The following MACC1 variants were observed in gnomAD, a reference collection of about 807,000 sequenced individuals.
The protein encoded by MACC1 is metastasis-associated in colon cancer protein 1.
A neutral mutation model predicts 70.7 loss-of-function variants in MACC1; 79 were observed. That is an observed-to-expected ratio of 1.12 (90% CI 0.93 to 1.35). The LOEUF is 1.35. Among genes scored for constraint, MACC1 ranks in the 40% most tolerant of loss-of-function variants. The pLI is 0.00. For missense variants in MACC1, 1,106 were observed against 978.1 expected (o/e 1.13, Z -1.74); for synonymous variants, 361 against 347.2 (o/e 1.04, Z -0.44).
At chr7:20,185,113 C>T (rs990238707) in intron 1 of MACC1, 1 of 152,108 alleles carries the variant, frequency 6.6e-6, no homozygotes, top group African/African-American at 2.4e-5. Flanking sequence ...AATATCAGTT[C>T]TCTCTAAGAG....
In MACC1 at chr7:20,152,475, G is replaced by A. The variant is rs76457607; in HGVS notation, c.2346+1718C>T. Among the ~76,000 whole-genome samples, 314 of 152,200 alleles carry A rather than the reference G, an allele frequency of 2.1e-3. 1 individual carries two copies. Among genetic ancestry groups the A allele is most frequent in the African/African-American group, 7.3e-3 (302 of 41,516 alleles). On this transcript the variant is annotated intron_variant, in intron 6 of 6. Coordinates refer to ENST00000400331, the MANE Select transcript of MACC1 (RefSeq NM_182762.4). ...ATTTACCCATTAGTTAAGTGACCTCGTACGTAAGATTTCTGTATATTATTT... is the reference window on the plus strand; with the variant it reads ...ATTTACCCATTAGTTAAGTGACCTCATACGTAAGATTTCTGTATATTATTT...
rs1316565434 is a variant in MACC1 at position 20,136,089 on chromosome 7, T to G, written c.*4857A>C. 6.6e-6 allele frequency: 1 copy of G among 152,208 alleles called. No homozygotes were observed. Among genetic ancestry groups the G allele is most frequent in the African/African-American group, 2.4e-5 (1 of 41,454 alleles). 9.4% of individuals were successfully genotyped at this position (152,208 alleles called of 1,614,324 possible). A position where few individuals can be genotyped will look rare whatever the true frequency, so the allele number is the denominator to read the frequency against. ...TCTAGTCATTGAACATTTATAGACA[T>G]TTAAACCCAAGGGGAACACTAGAGG... On this transcript the variant is annotated 3_prime_UTR_variant, in exon 7 of 7. Coordinates refer to ENST00000400331, the MANE Select transcript of MACC1 (RefSeq NM_182762.4).
At chr7:20,176,549 G>C (rs146708270) in intron 1 of MACC1, among the ~76,000 whole-genome samples, 9 of 152,180 alleles carry the variant, frequency 5.9e-5, no homozygotes, top group African/African-American at 2.2e-4. Flanking sequence ...ACATAAACTT[G>C]CCATGTGCCC....
At chr7:20,148,647 A>C (rs1361206970) in intron 6 of MACC1, among the ~76,000 whole-genome samples, 2 of 152,188 alleles carry the variant, frequency 1.3e-5, no homozygotes, top group African/African-American at 4.8e-5. Flanking sequence ...GTGTTACCCC[A>C]GAAATTTCAC....
chr7:20,212,067 TA>T lies in MACC1; in HGVS notation c.-218+5231del, dbSNP rs976778477. Among the ~76,000 whole-genome samples the T allele has an allele frequency of 1.6e-4, 25 of 152,220 alleles. No homozygotes were observed. In the Middle Eastern group the frequency reaches 0.01, roughly 62 times the overall value. On this transcript the variant is annotated intron_variant, in intron 1 of 6. Transcript: ENST00000400331. Reference sequence around the variant, plus strand: ...TAAAAGCATTTAAAAAAGAAAAGAATAAAAACATACACTGCAGTGATATCGA... The same window carrying T: ...TAAAAGCATTTAAAAAAGAAAAGAATAAAACATACACTGCAGTGATATCGA...
chr7:20,193,375 G>A (rs901339618), intron 1 of MACC1, among the ~76,000 whole-genome samples: 1 of 152,226 alleles, frequency 6.6e-6, no homozygotes, highest in Admixed American at 6.5e-5. Context: ...AGCTAATCTT[G>A]AAAGTTTATA....
intron 1 of MACC1, chr7:20,185,088 T>C (rs957356726): frequency 2.6e-5 from 4 of 152,158 alleles, no homozygotes; most frequent in Non-Finnish European, 5.9e-5. Context: ...CCTGGTAAGA[T>C]TGTGAAGAAT....
chr7:20,186,163 T>C (rs1012396412), intron 1 of MACC1, among the ~76,000 whole-genome samples: 15 of 152,226 alleles, frequency 9.9e-5, no homozygotes, highest in Non-Finnish European at 2.9e-5. Context: ...AAGTTGTTTT[T>C]CTTCCTTACT....
intron 1 of MACC1, among the ~76,000 whole-genome samples, chr7:20,176,812 C>G (rs533553499): frequency 5.8e-4 from 88 of 152,220 alleles, no homozygotes; most frequent in African/African-American, 2.1e-3. Context: ...CTGTGTGAAA[C>G]AAGCCAGTCG....
chr7:20,201,860 C>T (rs984824466), intron 1 of MACC1, among the ~76,000 whole-genome samples: 12 of 152,174 alleles, frequency 7.9e-5, no homozygotes, highest in Non-Finnish European at 2.9e-5. Flanking sequence ...AAAATGTGAA[C>T]CTTAACCTCT....
At chr7:20,163,065 C>T (rs1396104963) in intron 3 of MACC1, among the ~76,000 whole-genome samples, 3 of 151,852 alleles carry the variant, frequency 2.0e-5, no homozygotes, top group East Asian at 1.9e-4. Flanking sequence ...CAAAGATTCC[C>T]GCAAATCAAT....
At chr7:20,153,559 T>A (rs1782011876) in intron 6 of MACC1, 1 of 152,180 alleles carries the variant, frequency 6.6e-6, no homozygotes, top group African/African-American at 2.4e-5. Flanking sequence ...GAAAAATATG[T>A]GTTTAACTTG....
chr7:20,190,972 G>C (rs1782664146), intron 1 of MACC1, among the ~76,000 whole-genome samples: 1 of 152,186 alleles, frequency 6.6e-6, no homozygotes, highest in Admixed American at 6.5e-5. Flanking sequence ...CAAAGCACCA[G>C]TATTTTACAA....
chr7:20,174,452 A>C (rs150146383), intron 1 of MACC1, among the ~76,000 whole-genome samples: 102 of 152,316 alleles, frequency 6.7e-4, no homozygotes, highest in African/African-American at 2.4e-3. Flanking sequence ...TTATAAAAAT[A>C]TAACTATATG....
At chr7:20,187,313 G>A (rs539928796) in intron 1 of MACC1, among the ~76,000 whole-genome samples, 1 of 152,294 alleles carries the variant, frequency 6.6e-6, no homozygotes, top group South Asian at 2.1e-4. Context: ...ATGAAAAACA[G>A]AGTGAAGAGG....
chr7:20,202,991 G>A (rs1339648483), intron 1 of MACC1, among the ~76,000 whole-genome samples: 1 of 152,106 alleles, frequency 6.6e-6, no homozygotes, highest in Non-Finnish European at 1.5e-5. Flanking sequence ...AAAGCAATTG[G>A]TAAGATGAAA....
chr7:20,171,027 T>G (rs1252156917), intron 1 of MACC1, among the ~76,000 whole-genome samples: 1 of 152,192 alleles, frequency 6.6e-6, no homozygotes, highest in Non-Finnish European at 1.5e-5. Context: ...GTTATTTTTG[T>G]AAACAGAACG....
chr7:20,191,157 G>C (rs1435524522), intron 1 of MACC1, among the ~76,000 whole-genome samples: 2 of 152,148 alleles, frequency 1.3e-5, no homozygotes, highest in Non-Finnish European at 2.9e-5. Flanking sequence ...AAGCAGAGGG[G>C]ACTATTTACA....
intron 1 of MACC1, among the ~76,000 whole-genome samples, chr7:20,195,354 T>C (rs1371393399): frequency 1.3e-5 from 2 of 152,326 alleles, no homozygotes; most frequent in Admixed American, 1.3e-4. Flanking sequence ...AAGGTGGCCA[T>C]TCCACAGGCT....
Sources: gnomAD v4.1 joint callset for allele counts (sites outside exome capture counted in the v4.1 genomes callset) on GRCh38, gnomAD v4.1.1 for gene constraint, MANE v1.5 for transcripts, NCBI Gene and HGNC (gene_info 2026-07-23, HGNC 2026-07-21) for gene names.